Variants in RAD51B observed in about 807,000 individuals in gnomAD.
The protein encoded by RAD51B is RAD51 paralog B.
RAD51B carries 38 observed loss-of-function variants against 42.2 expected under a neutral mutation model. That is an observed-to-expected ratio of 0.90 (90% CI 0.70 to 1.18). RAD51B has a LOEUF of 1.18. Ranked by LOEUF, RAD51B falls within the 50% of genes most tolerant of loss-of-function variation. The probability of loss-of-function intolerance (pLI) is 0.00; values close to 1 mark genes in which losing one functional copy is unlikely to be tolerated. For synonymous variants in RAD51B, 154 were observed against 145.2 expected (o/e 1.06, Z -0.43); for missense variants, 373 against 400.7 (o/e 0.93, Z 0.59).
At chr14:68,429,166 T>C (rs1203390654) in intron 9 of RAD51B, among the ~76,000 whole-genome samples, 1 of 152,194 alleles carries the variant, frequency 6.6e-6, no homozygotes, top group Non-Finnish European at 1.5e-5. Flanking sequence ...GATGGACATT[T>C]GGGTTGGTTC....
At chr14:68,122,524 TAAA>T (rs2077671115) in intron 7 of RAD51B, among the ~76,000 whole-genome samples, 1 of 152,154 alleles carries the variant, frequency 6.6e-6, no homozygotes, top group Non-Finnish European at 1.5e-5. Context: ...TTATTGAAGA[TAAA>T]GAAGCTTGAT....
chr14:68,471,606 T>C (rs1224861522), intron 10 of RAD51B, among the ~76,000 whole-genome samples: 3 of 151,702 alleles, frequency 2.0e-5, no homozygotes, highest in Non-Finnish European at 4.4e-5. Flanking sequence ...TGGTTAGAGA[T>C]TTCTCAGGCT....
chr14:68,434,859 G>T (rs1223521395), intron 9 of RAD51B, among the ~76,000 whole-genome samples: 2 of 152,126 alleles, frequency 1.3e-5, no homozygotes. Flanking sequence ...GTAGACTGGA[G>T]CTGTTCCTAT....
chr14:68,623,583 C>T (rs922783197), intron 10 of RAD51B, among the ~76,000 whole-genome samples: 2 of 152,196 alleles, frequency 1.3e-5, no homozygotes, highest in African/African-American at 4.8e-5. Context: ...GAAGGGGTGC[C>T]TTTTCTAACT....
intron 11 of RAD51B, among the ~76,000 whole-genome samples, chr14:68,668,943 G>C (rs1247509996): frequency 1.3e-5 from 2 of 152,242 alleles, no homozygotes; most frequent in African/African-American, 4.8e-5. Context: ...ACAGCTTTGA[G>C]CTCATTAAGG....
rs571369363 is a variant in RAD51B, at chr14:67,823,935, T to C, written c.84+308T>C. Among the ~76,000 whole-genome samples, 13 of 152,372 alleles carry C rather than the reference T, an allele frequency of 8.5e-5. No individual in the cohort carries two copies. The South Asian group carries it at 2.7e-3, about 32-fold the overall frequency. The stretch of plus-strand genomic sequence containing the variant: ...TCAAATGAGGAGATACTATTCAACA[T>C]GTATCATTTCTCTTAAAAGCAAAAG... On this transcript the variant is annotated intron_variant, in intron 2 of 10. Coordinates refer to ENST00000471583, the MANE Select transcript of RAD51B (RefSeq NM_133510.4).
intron 8 of RAD51B, among the ~76,000 whole-genome samples, chr14:68,321,640 T>C (rs947845059): frequency 6.6e-6 from 1 of 152,206 alleles, no homozygotes; most frequent in Non-Finnish European, 1.5e-5. Flanking sequence ...AGCAAGTTAC[T>C]TAAACTCTGA....
intron 10 of RAD51B, among the ~76,000 whole-genome samples, chr14:68,619,924 T>C (rs1002070522): frequency 3.3e-5 from 5 of 152,144 alleles, no homozygotes; most frequent in African/African-American, 4.8e-5. Context: ...GTCTCCAAGG[T>C]TGATGTTTTT....
chr14:67,822,373 TAGTGTA>T (rs1481926737), intron 1 of RAD51B: 3 of 152,088 alleles, frequency 2.0e-5, no homozygotes, highest in African/African-American at 7.2e-5. Context: ...TATAAGCAGC[TAGTGTA>T]ATAAAGAACA....
intron 7 of RAD51B, among the ~76,000 whole-genome samples, chr14:68,121,074 A>G (rs2077642904): frequency 6.6e-6 from 1 of 152,176 alleles, no homozygotes; most frequent in East Asian, 1.9e-4. Context: ...TAGGGAAGTT[A>G]GTGTCCCTGA....
chr14:67,847,326 C>CTTTTTT (rs60032578), intron 4 of RAD51B, among the ~76,000 whole-genome samples: 261 of 105,456 alleles, frequency 2.5e-3, no homozygotes, highest in East Asian at 6.0e-3. Context: ...TTGGTTTGTT[C>CTTTTTT]TTTTTTTTTT....
intron 7 of RAD51B, among the ~76,000 whole-genome samples, chr14:68,229,337 G>A (rs2080102764): frequency 6.6e-6 from 1 of 152,142 alleles, no homozygotes; most frequent in South Asian, 2.1e-4. Context: ...ACCACCCATG[G>A]AACTCTTGGC....
chr14:68,027,169 TCA>T (rs1454933900), intron 7 of RAD51B, among the ~76,000 whole-genome samples: 1 of 152,138 alleles, frequency 6.6e-6, no homozygotes, highest in African/African-American at 2.4e-5. Context: ...TAGTAGGTCT[TCA>T]CTCTCTTCTG....
chr14:68,640,827 C>T (rs1384970187), intron 10 of RAD51B, among the ~76,000 whole-genome samples: 1 of 152,122 alleles, frequency 6.6e-6, no homozygotes, highest in African/African-American at 2.4e-5. Flanking sequence ...GGAATTGGCC[C>T]ATTTCATCTA....
At chr14:68,530,451 A>G (rs1382474453) in intron 10 of RAD51B, among the ~76,000 whole-genome samples, 1 of 142,424 alleles carries the variant, frequency 7.0e-6, no homozygotes, top group African/African-American at 2.6e-5. Flanking sequence ...TGTCTCAAAA[A>G]AAAAAAAAAA....
chr14:68,338,821 A>G (rs2082511548), intron 8 of RAD51B: 1 of 592,818 alleles, frequency 1.7e-6, no homozygotes, highest in Admixed American at 1.9e-5. Context: ...TTGCCTCCCC[A>G]GTGACAGTGG....
chr14:68,349,074 AC>A (rs974267861), intron 8 of RAD51B, among the ~76,000 whole-genome samples: 1 of 152,152 alleles, frequency 6.6e-6, no homozygotes, highest in Non-Finnish European at 1.5e-5. Flanking sequence ...GTTCAATAAA[AC>A]TTTGTTTATG....
chr14:68,403,609 C>T (rs1168961571), intron 8 of RAD51B, among the ~76,000 whole-genome samples: 3 of 152,202 alleles, frequency 2.0e-5, no homozygotes, highest in Non-Finnish European at 2.9e-5. Flanking sequence ...GGCTACACCC[C>T]ATGTATACAG....
At chr14:68,396,235 T>C (rs575011995) in intron 8 of RAD51B, among the ~76,000 whole-genome samples, 147 of 152,324 alleles carry the variant, frequency 9.7e-4, no homozygotes, top group Non-Finnish European at 1.5e-3. Flanking sequence ...ATTAAGAGAT[T>C]TTTATCACGT....
Sources: gnomAD v4.1 joint callset for allele counts (sites outside exome capture counted in the v4.1 genomes callset) on GRCh38, gnomAD v4.1.1 for gene constraint, MANE v1.5 for transcripts, NCBI Gene and HGNC (gene_info 2026-07-23, HGNC 2026-07-21) for gene names.